IGF1R: variants seen among roughly 807,000 people sequenced by gnomAD.
The protein encoded by IGF1R is insulin-like growth factor 1 receptor.
IGF1R carries 44 observed loss-of-function variants against 144.6 expected under a neutral mutation model. The ratio of observed to expected loss-of-function variants is 0.30; its 90% CI spans 0.24 to 0.39. The LOEUF is 0.39. IGF1R is among the 10% of genes least tolerant of loss of function. The pLI is 1.00. For missense variants in IGF1R, 1,355 were observed against 1,833.7 expected (o/e 0.74, Z 4.77); for synonymous variants, 795 against 722.8 (o/e 1.10, Z -1.60).
Position 98,891,439 on chromosome 15 carries a change from G to A in IGF1R, c.755G>A (p.Arg252His), listed in dbSNP as rs751059746. 2.5e-5 allele frequency: 41 copies of A among 1,613,826 alleles called. No homozygotes were observed. Among genetic ancestry groups the A allele is most frequent in the African/African-American group, 2.7e-5 (2 of 74,918 alleles). The change falls in exon 3 of 21, where the codon CGC (arginine) becomes CAC (histidine). Residue 252 changes from arginine to histidine, a missense_variant. Physicochemically the swap from Arg to His is conservative, Grantham distance 29. Transcript: ENST00000650285. The surrounding 1 kb of genome is among the most constrained non-coding windows in gnomAD (Gnocchi z 4.7). Reference protein sequence around the residue: ...PDNDTACVACRHYYYAGVCVP... With the variant: ...PDNDTACVACHHYYYAGVCVP... ...AACGACACGGCCTGTGTAGCTTGCC[G>A]CCACTACTACTATGCCGGTGTCTGT... is the stretch of plus-strand genomic sequence containing the variant.
intron 13 of IGF1R, among the ~76,000 whole-genome samples, chr15:98,927,771 G>A (rs895766264): frequency 6.6e-6 from 1 of 152,192 alleles, no homozygotes; most frequent in Non-Finnish European, 1.5e-5. Context: ...TAAAATAGCT[G>A]TAGTAGTCTT....
In IGF1R at chr15:98,891,569, G is replaced by C; in HGVS notation, c.885G>C (p.Gly295=). 6.2e-7 allele frequency: 1 copy of C among 1,608,332 alleles called. No homozygotes were observed. Among genetic ancestry groups the C allele is most frequent in the Non-Finnish European group, 8.5e-7 (1 of 1,180,006 alleles). ...GCGCCGAGAGCAGCGACTCCGAGGGGTTTGTGATCCACGACGGCGAGTGCA... is the reference window on the plus strand; with the variant it reads ...GCGCCGAGAGCAGCGACTCCGAGGGCTTTGTGATCCACGACGGCGAGTGCA... ...ILSAESSDSE[G]FVIHDGECMQ... is the part of the protein sequence containing the mutation. The change falls in exon 3 of 21, where the codon GGG becomes GGC. Residue 295 remains glycine, a synonymous_variant. Coordinates refer to ENST00000650285, the MANE Select transcript of IGF1R (RefSeq NM_000875.5). This position sits in a 1 kb window ranked among gnomAD's most constrained non-coding sequence, Gnocchi z 4.7.
chr15:98,720,261 T>A (rs1231751530), intron 2 of IGF1R, among the ~76,000 whole-genome samples: 3 of 152,182 alleles, frequency 2.0e-5, no homozygotes, highest in African/African-American at 7.2e-5. Context: ...AGCTTCATGA[T>A]CGGGGGAATT....
chr15:98,723,493 A>G (rs1373930897), intron 2 of IGF1R, among the ~76,000 whole-genome samples: 2 of 152,262 alleles, frequency 1.3e-5, no homozygotes, highest in East Asian at 1.9e-4. Context: ...TGCATCTTTC[A>G]GCTCCTGGTA....
intron 1 of IGF1R, among the ~76,000 whole-genome samples, chr15:98,656,605 A>AT (rs5814888): frequency 1.3e-3 from 188 of 149,830 alleles, no homozygotes; most frequent in East Asian, 7.2e-3. Flanking sequence ...TCTGGAAAAC[A>AT]TTTTTTTTTT....
intron 2 of IGF1R, among the ~76,000 whole-genome samples, chr15:98,823,150 C>T (rs2056832991): frequency 6.6e-6 from 1 of 152,190 alleles, no homozygotes; most frequent in African/African-American, 2.4e-5. Flanking sequence ...ATAAACTGGG[C>T]TAAGAAACAC....
chr15:98,877,513 T>TC lies in IGF1R; in HGVS notation c.641-13808dup, dbSNP rs1555455926. 1.3e-3 allele frequency among the ~76,000 whole-genome samples: 147 copies of TC among 111,380 alleles called. 3 individuals are homozygous for TC. The highest frequency in any genetic ancestry group is 4.1e-3 in the East Asian group (12 of 2,932). The allele number at this position is 111,380 out of a possible 152,430, so 73.1% of individuals were successfully genotyped here. On this transcript the variant is annotated intron_variant, in intron 2 of 20. Transcript: ENST00000650285. Reference sequence around the variant, plus strand: ...CCTTTTTTTTTTTTTTTTTTTTTTTTCCCCAAAAAATTTGCTACTCTTGAG... The same window carrying TC: ...CCTTTTTTTTTTTTTTTTTTTTTTTTCCCCCAAAAAATTTGCTACTCTTGAG...
rs10400894 is a variant in IGF1R, at chr15:98,935,264, T to G, written c.3187-52T>G. 1 of 1,281,982 alleles carries G rather than the reference T, an allele frequency of 7.8e-7. No individual in the cohort carries two copies. The highest frequency in any genetic ancestry group is 1.1e-6 in the Non-Finnish European group (1 of 902,488). The allele number at this position is 1,281,982 out of a possible 1,614,324, so 79.4% of individuals were successfully genotyped here. ...GAGACAGTTCCAGACAACACAGGCA[T>G]CAGCAAGGGCCACCTGACCCTCTGA... On this transcript the variant is annotated intron_variant, in intron 16 of 20. Coordinates refer to ENST00000650285, the MANE Select transcript of IGF1R (RefSeq NM_000875.5). The surrounding 1 kb of genome is among the most constrained non-coding windows in gnomAD (Gnocchi z 4.2).
chr15:98,959,205 A>AT lies in IGF1R; in HGVS notation c.*1770dup, dbSNP rs886051581. On this transcript the variant is annotated 3_prime_UTR_variant, in exon 21 of 21. Coordinates refer to ENST00000650285, the MANE Select transcript of IGF1R (RefSeq NM_000875.5). ...TAGGTTGTGACACACATATATATAT[A>AT]TTTTTTTAATTCTTGGGTACAACAG... The AT allele has an allele frequency of 8.6e-6, 2 of 233,210 alleles. No homozygotes were observed. Among genetic ancestry groups the AT allele is most frequent in the East Asian group, 6.0e-5 (1 of 16,568 alleles). 14.4% of individuals were successfully genotyped at this position (233,210 alleles called of 1,614,324 possible). A position where few individuals can be genotyped will look rare whatever the true frequency, so the allele number is the denominator to read the frequency against.
chr15:98,904,121 C>G (rs1352785589), intron 5 of IGF1R, among the ~76,000 whole-genome samples: 2 of 147,560 alleles, frequency 1.4e-5, no homozygotes, highest in African/African-American at 2.5e-5. Context: ...GGCGCTGTCT[C>G]GGATCACTGC....
intron 2 of IGF1R, among the ~76,000 whole-genome samples, chr15:98,841,589 G>A (rs1049850184): frequency 6.6e-6 from 1 of 152,190 alleles, no homozygotes; most frequent in African/African-American, 2.4e-5. Flanking sequence ...CTGCCCCAGG[G>A]AGGAGTTTGA....
intron 1 of IGF1R, among the ~76,000 whole-genome samples, chr15:98,663,759 C>T (rs2052656702): frequency 6.6e-6 from 1 of 152,210 alleles, no homozygotes; most frequent in South Asian, 2.1e-4. Flanking sequence ...TGGGAGAGGG[C>T]GGTGGCCCCC....
chr15:98,736,410 G>T (rs1224588473), intron 2 of IGF1R, among the ~76,000 whole-genome samples: 1 of 152,114 alleles, frequency 6.6e-6, no homozygotes, highest in East Asian at 1.9e-4. Context: ...ACAGTTATTG[G>T]TGAGACATGG....
At chr15:98,803,310 CAT>C (rs2056400680) in intron 2 of IGF1R, among the ~76,000 whole-genome samples, 1 of 151,938 alleles carries the variant, frequency 6.6e-6, no homozygotes, top group African/African-American at 2.4e-5. Context: ...TGAATCTAAG[CAT>C]AGATAAGGTG....
At chr15:98,692,847 G>C (rs1049645278) in intron 1 of IGF1R, among the ~76,000 whole-genome samples, 69 of 152,282 alleles carry the variant, frequency 4.5e-4, no homozygotes, top group Admixed American at 3.5e-3. Flanking sequence ...CAGTAGGGAG[G>C]ATATAGACGT....
At chr15:98,798,761 G>A (rs2056301274) in intron 2 of IGF1R, among the ~76,000 whole-genome samples, 1 of 152,278 alleles carries the variant, frequency 6.6e-6, no homozygotes, top group Middle Eastern at 3.4e-3. Flanking sequence ...TGGAGCCATG[G>A]TGAAGAATTT....
At chr15:98,896,559 T>C (rs544692824) in intron 3 of IGF1R, among the ~76,000 whole-genome samples, 198 bp from the exon 4 acceptor site, 2 of 152,306 alleles carry the variant, frequency 1.3e-5, no homozygotes, top group South Asian at 4.1e-4. Flanking sequence ...CTGTTTCTCC[T>C]TTTGCTTGCA....
chr15:98,819,820 T>TAGAG (rs1423193097), intron 2 of IGF1R, among the ~76,000 whole-genome samples: 3 of 152,198 alleles, frequency 2.0e-5, no homozygotes, highest in African/African-American at 7.2e-5. Context: ...AGTATATGAA[T>TAGAG]AGAGTGGCAT....
rs1567202148 is a variant in IGF1R, at chr15:98,924,113, A to C, written c.2622+101A>C. 1.3e-5 allele frequency: 16 copies of C among 1,187,198 alleles called. No homozygotes were observed. In the South Asian group the frequency reaches 2.0e-4, roughly 15 times the overall value. The allele number at this position is 1,187,198 out of a possible 1,614,324, so 73.5% of individuals were successfully genotyped here. On this transcript the variant is annotated intron_variant, in intron 12 of 20. Coordinates refer to ENST00000650285, the MANE Select transcript of IGF1R (RefSeq NM_000875.5). ...TACCTCCTGGTTAGCATAGGACTTA[A>C]AACAATAAAATCCATGCCAAGTTGG... is the stretch of plus-strand genomic sequence containing the variant.
Sources: gnomAD v4.1 joint callset for allele counts (sites outside exome capture counted in the v4.1 genomes callset) on GRCh38, gnomAD v4.1.1 for gene constraint, Gnocchi (gnomAD v3.1) non-coding constraint, MANE v1.5 for transcripts, NCBI Gene and HGNC (gene_info 2026-07-23, HGNC 2026-07-21) for gene names.